The following ZNF557 variants were observed in gnomAD, a reference collection of about 807,000 sequenced individuals.
The protein encoded by ZNF557 is CTB-25J19.9.
In ZNF557, 19 loss-of-function variants were observed where a neutral mutation model predicts 21.2. The observed-to-expected ratio is 0.90, with a 90% CI of 0.63 to 1.32. The LOEUF is 1.32. Ranked by LOEUF, ZNF557 falls within the 40% of genes most tolerant of loss-of-function variation. ZNF557 has a pLI of 0.00. For synonymous variants in ZNF557, 207 were observed against 194.8 expected (o/e 1.06, Z -0.52); for missense variants, 487 against 519.8 (o/e 0.94, Z 0.61).
rs1226608119 is a variant in ZNF557 at position 7,083,615 on chromosome 19, C to G, written c.1164C>G (p.Leu388=). ...ATTGTGGAAAATCCTTTAATGTTCTCTCATCCGTTAAGAAACACATGAGAA... is the reference window on the plus strand; with the variant it reads ...ATTGTGGAAAATCCTTTAATGTTCTGTCATCCGTTAAGAAACACATGAGAA... ...CSDCGKSFNV[L]SSVKKHMRTH... The change falls in exon 8 of 8, where the codon CTC becomes CTG. Residue 388 remains leucine (L), a synonymous_variant. Coordinates refer to ENST00000252840, the MANE Select transcript of ZNF557 (RefSeq NM_024341.3). 6.2e-7 allele frequency: 1 copy of G among 1,614,052 alleles called. No homozygotes were observed. Among genetic ancestry groups the G allele is most frequent in the Non-Finnish European group, 8.5e-7 (1 of 1,179,960 alleles).
At chr19:7,075,235 G>A (rs949157649) in intron 3 of ZNF557, 130 bp downstream of exon 3, 24 of 1,302,122 alleles carry the variant, frequency 1.8e-5, no homozygotes, top group Admixed American at 1.3e-4. Flanking sequence ...GAGGTCCTCC[G>A]TGTCTGATCG....
At position 7,069,765 on chromosome 19, in the gene ZNF557, C is replaced by T. The variant is rs1032204169; in HGVS notation, c.-180C>T. ...AATCTTTCGGTCTCCGCGAGAGGTG[C>T]TTCATTCCGTGAGTCCGAGTCCAGA... On this transcript the variant is annotated 5_prime_UTR_variant, in exon 1 of 8. Coordinates refer to ENST00000252840, the MANE Select transcript of ZNF557 (RefSeq NM_024341.3). 14 of 152,390 alleles carry T rather than the reference C, an allele frequency of 9.2e-5. No individual in the cohort carries two copies. The highest frequency in any genetic ancestry group is 3.4e-4 in the African/African-American group (14 of 41,598). 9.4% of individuals were successfully genotyped at this position (152,390 alleles called of 1,614,324 possible). A position where few individuals can be genotyped will look rare whatever the true frequency, so the allele number is the denominator to read the frequency against.
Position 7,083,400 on chromosome 19 carries a change from G to A in ZNF557, c.949G>A (p.Glu317Lys). 1.2e-6 allele frequency: 2 copies of A among 1,614,168 alleles called. No homozygotes were observed. The highest frequency in any genetic ancestry group is 1.7e-6 in the Non-Finnish European group (2 of 1,180,040). ...LSSHYSIHTGEYPYECHDCGR... is the reference protein window; with the variant it reads ...LSSHYSIHTGKYPYECHDCGR... ...TTCGCACTATAGCATTCATACAGGGGAGTACCCTTACGAATGCCACGATTG... is the reference window on the plus strand; with the variant it reads ...TTCGCACTATAGCATTCATACAGGGAAGTACCCTTACGAATGCCACGATTG... The change falls in exon 8 of 8, where the codon GAG becomes AAG. Residue 317 changes from glutamate (E) to lysine (K), a missense_variant. Glu to Lys is a moderately conservative substitution (Grantham distance 56, BLOSUM62 1). Transcript: ENST00000252840.
In ZNF557 at chr19:7,085,469, T is replaced by A. The variant is rs768489; in HGVS notation, c.*1725T>A. On this transcript the variant is annotated 3_prime_UTR_variant, in exon 8 of 8. Transcript: ENST00000252840. ...ACGAGCTACCACTCTCAGCCAGAAC[T>A]TCTTAAGATAAAGGATGAGGGAATG... The A allele has an allele frequency of 4.6e-5, 7 of 151,978 alleles. No individual in the cohort carries two copies. The highest frequency in any genetic ancestry group is 1.7e-4 in the African/African-American group (7 of 41,354). The allele number at this position is 151,978 out of a possible 1,614,324, so 9.4% of individuals were successfully genotyped here. A position where few individuals can be genotyped will look rare whatever the true frequency, so the allele number is the denominator to read the frequency against.
chr19:7,082,097 G>T, intron 7 of ZNF557, 45 bp downstream of exon 7: 13 of 1,488,776 alleles, frequency 8.7e-6, no homozygotes, highest in Non-Finnish European at 1.2e-5. Context: ...ATGGTAGAAT[G>T]CCCTACATGA....
In ZNF557 at chr19:7,081,392, C is replaced by T; in HGVS notation, c.280C>T (p.Gln94Ter). ...AGTTGATAAACCTAGGCTGATCTCC[C>T]AGCTGGAGCAAGAAGATAAAGTGAT... ...NQVDKPRLIS[Q>*]LEQEDKVMTE... is the part of the protein sequence containing the mutation. The change falls in exon 6 of 8, where the codon CAG becomes TAG. Residue 94 changes from glutamine (Q) to a stop codon, truncating the protein, a stop_gained. Transcript: ENST00000252840. LOFTEE classifies it high-confidence loss of function. The T allele has an allele frequency of 6.2e-7, 1 of 1,613,892 alleles. No homozygotes were observed. Among genetic ancestry groups the T allele is most frequent in the East Asian group, 2.2e-5 (1 of 44,884 alleles).
chr19:7,083,251 A>T lies in ZNF557; in HGVS notation c.800A>T (p.Asn267Ile). The change falls in exon 8 of 8, where the codon AAC becomes ATC. Residue 267 changes from asparagine to isoleucine, a missense_variant. Asn to Ile is a moderately radical substitution (Grantham distance 149). Coordinates refer to ENST00000252840, the MANE Select transcript of ZNF557 (RefSeq NM_024341.3). ...ACTGGAGAAAAACCGTACAAATGTA[A>T]CCAGTGTTTTCGTGAGTTCCGCACT... ...IHTGEKPYKC[N>I]QCFREFRTQS... The T allele has an allele frequency of 6.2e-7, 1 of 1,614,238 alleles. No homozygotes were observed. The highest frequency in any genetic ancestry group is 8.5e-7 in the Non-Finnish European group (1 of 1,180,048).
chr19:7,078,717 C>T (rs1486739742), intron 5 of ZNF557, among the ~76,000 whole-genome samples: 2 of 152,122 alleles, frequency 1.3e-5, no homozygotes, highest in Non-Finnish European at 2.9e-5. Context: ...GAGCGTGACC[C>T]ATTGCACCTT....
At chr19:7,076,532 T>G (rs1175142131) in intron 5 of ZNF557, 25 bp downstream of exon 5, 2 of 1,605,352 alleles carry the variant, frequency 1.2e-6, no homozygotes, top group African/African-American at 2.7e-5. Flanking sequence ...ATTCCTGCAT[T>G]TATTTAATGA....
Position 7,083,790 on chromosome 19 carries a change from G to T in ZNF557, c.*46G>T, listed in dbSNP as rs781063408. 6.5e-7 allele frequency: 1 copy of T among 1,546,468 alleles called. No individual in the cohort carries two copies. Among genetic ancestry groups the T allele is most frequent in the East Asian group, 2.3e-5 (1 of 44,342 alleles). ...GCATTCATTGATCTTTCATGCCTCA[G>T]ATAACATGAGCAAACTCTAACAAGA... On this transcript the variant is annotated 3_prime_UTR_variant, in exon 8 of 8. Transcript: ENST00000252840.
intron 7 of ZNF557, among the ~76,000 whole-genome samples, 173 bp downstream of exon 7, chr19:7,082,225 C>G (rs1395730365): frequency 6.6e-6 from 1 of 151,890 alleles, no homozygotes; most frequent in Non-Finnish European, 1.5e-5. Context: ...TGGAGACCAG[C>G]CTGGCCAATA....
rs966591 is a variant in ZNF557 at position 7,083,618 on chromosome 19, A to G, written c.1167A>G (p.Ser389=). The change falls in exon 8 of 8, where the codon TCA becomes TCG. Residue 389 remains serine, a synonymous_variant. Coordinates refer to ENST00000252840, the MANE Select transcript of ZNF557 (RefSeq NM_024341.3). ...SDCGKSFNVL[S]SVKKHMRTHT... ...GTGGAAAATCCTTTAATGTTCTCTC[A>G]TCCGTTAAGAAACACATGAGAACTC... The G allele has an allele frequency of 0.4, 653,177 of 1,613,586 alleles. 133,439 individuals carry two copies. The highest frequency in any genetic ancestry group is 0.53 in the East Asian group (23,631 of 44,860).
chr19:7,077,162 G>GTT (rs1444808597), intron 5 of ZNF557, among the ~76,000 whole-genome samples: 1 of 78,322 alleles, frequency 1.3e-5, no homozygotes, highest in African/African-American at 5.7e-5. Context: ...TTGAGATGGA[G>GTT]TTTCACTCTG....
intron 3 of ZNF557, 31 bp from the exon 4 acceptor site, chr19:7,075,624 G>A (rs2145167626): frequency 2.5e-6 from 4 of 1,608,708 alleles, no homozygotes; most frequent in East Asian, 2.2e-5. Context: ...GGGCAGGTGT[G>A]GATTCCTGGT....
chr19:7,087,226 T>TTTTTTTTTTTG lies in ZNF557; in HGVS notation c.*3482_*3483insTTTTTTTTTTG, dbSNP rs1555730813. On this transcript the variant is annotated 3_prime_UTR_variant, in exon 8 of 8. Coordinates refer to ENST00000252840, the MANE Select transcript of ZNF557 (RefSeq NM_024341.3). ...GCTTTTTTTTTTTTTTTTTTTTTTT[T>TTTTTTTTTTTG]CTTCACTGTGGTGATAAAAACCACA... is the stretch of plus-strand genomic sequence containing the variant. 1.1e-5 allele frequency: 1 copy of TTTTTTTTTTTG among 87,560 alleles called. No homozygotes were observed. The highest frequency in any genetic ancestry group is 5.1e-5 in the African/African-American group (1 of 19,646). The allele number at this position is 87,560 out of a possible 1,614,324, so 5.4% of individuals were successfully genotyped here. A position where few individuals can be genotyped will look rare whatever the true frequency, so the allele number is the denominator to read the frequency against.
chr19:7,083,634 A>G lies in ZNF557; in HGVS notation c.1183A>G (p.Met395Val). ...TGTTCTCTCATCCGTTAAGAAACAC[A>G]TGAGAACTCACACTGGAAAAAAACC... ...FNVLSSVKKH[M>V]RTHTGKKPYE... Residue 395 changes from methionine to valine, a missense_variant, in exon 8 of 8, where the codon ATG becomes GTG. By Grantham distance (21) the Met-to-Val change is conservative (BLOSUM62 1). Transcript: ENST00000252840. The G allele has an allele frequency of 6.2e-7, 1 of 1,614,074 alleles. No homozygotes were observed. Among genetic ancestry groups the G allele is most frequent in the Non-Finnish European group, 8.5e-7 (1 of 1,179,944 alleles).
intron 4 of ZNF557, 77 bp downstream of exon 4, chr19:7,075,820 G>A (rs1336760512): frequency 1.3e-6 from 2 of 1,567,330 alleles, no homozygotes; most frequent in Non-Finnish European, 1.7e-6. Context: ...CAGTGGCCTG[G>A]AGCCCCACGG....
intron 2 of ZNF557, among the ~76,000 whole-genome samples, chr19:7,072,439 GA>G (rs1977480991): frequency 6.6e-6 from 1 of 152,092 alleles, no homozygotes; most frequent in African/African-American, 2.4e-5. Context: ...AATACATAAA[GA>G]TAAATTTGCT....
intron 2 of ZNF557, among the ~76,000 whole-genome samples, chr19:7,073,852 A>C (rs748092010): frequency 2.0e-5 from 3 of 152,100 alleles, no homozygotes; most frequent in Admixed American, 6.5e-5. Flanking sequence ...TCCTAGAGAG[A>C]CTGAGTGGCC....
Sources: gnomAD v4.1 joint callset for allele counts (sites outside exome capture counted in the v4.1 genomes callset) on GRCh38, gnomAD v4.1.1 for gene constraint, MANE v1.5 for transcripts, NCBI Gene and HGNC (gene_info 2026-07-23, HGNC 2026-07-21) for gene names.